Variants in CREBRF observed in about 807,000 individuals in gnomAD.
CREBRF encodes UPF0474 protein C5orf41.
Under a neutral mutation model 66.1 loss-of-function variants are expected in CREBRF, and 5 were observed. The observed-to-expected ratio is 0.08, with a 90% CI of 0.04 to 0.16. The LOEUF is 0.16. CREBRF is among the 10% of genes least tolerant of loss of function. The pLI, the probability that CREBRF is intolerant of heterozygous loss-of-function variation, is 1.00. For missense variants in CREBRF, 531 were observed against 744.9 expected, an observed-to-expected ratio of 0.71 and a Z score of 3.34; for synonymous variants, 229 against 264.4, an observed-to-expected ratio of 0.87 and a Z score of 1.30.
intron 3 of CREBRF, among the ~76,000 whole-genome samples, chr5:173,088,832 A>G (rs1344510330): frequency 6.6e-6 from 1 of 152,198 alleles, no homozygotes; most frequent in African/African-American, 2.4e-5. Flanking sequence ...TTGTCTACTT[A>G]ATATAGGTTG....
intron 4 of CREBRF, among the ~76,000 whole-genome samples, chr5:173,100,130 A>ATAT (rs1491331852): frequency 5.2e-4 from 55 of 105,076 alleles, no homozygotes; most frequent in African/African-American, 1.3e-3. Flanking sequence ...ATATATATAT[A>ATAT]ATTTTTTTTT....
chr5:173,127,959 G>C (rs1358777277), intron 8 of CREBRF, among the ~76,000 whole-genome samples: 1 of 151,844 alleles, frequency 6.6e-6, no homozygotes, highest in Non-Finnish European at 1.5e-5. Flanking sequence ...TTTTGTGTCT[G>C]TTCTCCCTTA....
At chr5:173,110,840 A>T (rs766093929) in intron 6 of CREBRF, 129 bp downstream of exon 6, 49 of 666,166 alleles carry the variant, frequency 7.4e-5, no homozygotes, top group Non-Finnish European at 9.5e-5. Context: ...TGAGAATATT[A>T]TAATTTTTCT....
intron 4 of CREBRF, among the ~76,000 whole-genome samples, chr5:173,095,249 C>T: frequency 7.1e-6 from 1 of 140,636 alleles, no homozygotes; most frequent in African/African-American, 2.7e-5. Context: ...AGTGCAGTGG[C>T]CCGATCTTGG....
chr5:173,058,185 A>C (rs1174055091), intron 1 of CREBRF, among the ~76,000 whole-genome samples: 1 of 152,186 alleles, frequency 6.6e-6, no homozygotes, highest in Non-Finnish European at 1.5e-5. Context: ...AAATGGTATG[A>C]ATAATTCGAA....
chr5:173,059,017 T>C (rs183882312), intron 1 of CREBRF, among the ~76,000 whole-genome samples: 4 of 151,758 alleles, frequency 2.6e-5, no homozygotes, highest in Admixed American at 1.3e-4. Flanking sequence ...CAGGCTGGTC[T>C]CGAACTTCTG....
chr5:173,121,945 G>A (rs1759148353), intron 7 of CREBRF, among the ~76,000 whole-genome samples: 1 of 151,984 alleles, frequency 6.6e-6, no homozygotes, highest in Admixed American at 6.6e-5. Flanking sequence ...TAGTGCAACT[G>A]CCTGCAACTC....
rs533845255 is a variant in CREBRF, at chr5:173,122,033, G to A, written c.1682-1047G>A. Among the ~76,000 whole-genome samples the A allele has an allele frequency of 8.2e-4, 125 of 152,084 alleles. 1 individual carries two copies. Among genetic ancestry groups the A allele is most frequent in the African/African-American group, 2.9e-3 (121 of 41,516 alleles). On this transcript the variant is annotated intron_variant, in intron 7 of 8. Coordinates refer to ENST00000296953, the MANE Select transcript of CREBRF (RefSeq NM_153607.3). ...GTGCACACCACCACACCTGGCTACA[G>A]TGTGTTATCAAAAGTGCATACCCAG...
chr5:173,094,541 A>G (rs1383000805), intron 4 of CREBRF, among the ~76,000 whole-genome samples: 1 of 152,132 alleles, frequency 6.6e-6, no homozygotes, highest in African/African-American at 2.4e-5. Flanking sequence ...GATTAGTGGT[A>G]TTGAGCATGT....
chr5:173,093,904 C>A (rs1375214005), intron 4 of CREBRF, among the ~76,000 whole-genome samples: 2 of 152,112 alleles, frequency 1.3e-5, no homozygotes, highest in Admixed American at 1.3e-4. Context: ...ACCTTTTGGC[C>A]AACATCTTCC....
intron 4 of CREBRF, among the ~76,000 whole-genome samples, chr5:173,103,722 G>A (rs190945116): frequency 4.6e-5 from 7 of 152,304 alleles, no homozygotes; most frequent in Admixed American, 3.9e-4. Context: ...GGCTACAACT[G>A]TTTGGGGTCA....
rs771675272 is a variant in CREBRF at position 173,090,432 on chromosome 5, A to G, written c.253A>G (p.Thr85Ala). 6.2e-7 allele frequency: 1 copy of G among 1,614,088 alleles called. No homozygotes were observed. Among genetic ancestry groups the G allele is most frequent in the Non-Finnish European group, 8.5e-7 (1 of 1,179,936 alleles). ...TDVLDNEGAL[T>A]SNWEQWDTYC... ...TGTCCTGGATAATGAGGGTGCTTTAACCTCAAACTGGGAACAGTGGGATAC... is the reference window on the plus strand; with the variant it reads ...TGTCCTGGATAATGAGGGTGCTTTAGCCTCAAACTGGGAACAGTGGGATAC... The change falls in exon 4 of 9, where the codon ACC (threonine) becomes GCC (alanine). Residue 85 changes from threonine to alanine, a missense_variant. By Grantham distance (58) the Thr-to-Ala change is moderately conservative. Coordinates refer to ENST00000296953, the MANE Select transcript of CREBRF (RefSeq NM_153607.3). The surrounding 1 kb of genome is among the most constrained non-coding windows in gnomAD (Gnocchi z 4.5).
chr5:173,073,998 A>G (rs1415588313), intron 1 of CREBRF, among the ~76,000 whole-genome samples: 1 of 151,456 alleles, frequency 6.6e-6, no homozygotes, highest in Admixed American at 6.6e-5. Context: ...TAAATAAATA[A>G]ATAAATAAAT....
At chr5:173,065,007 C>T (rs977750506) in intron 1 of CREBRF, among the ~76,000 whole-genome samples, 3 of 152,184 alleles carry the variant, frequency 2.0e-5, no homozygotes, top group African/African-American at 7.2e-5. Flanking sequence ...CTGTACCTAG[C>T]TGTACAGTTT....
chr5:173,078,619 T>C (rs191248581), intron 1 of CREBRF, among the ~76,000 whole-genome samples: 432 of 150,998 alleles, frequency 2.9e-3, no homozygotes, highest in African/African-American at 9.7e-3. Context: ...AGAGCAGTGG[T>C]GCGATCTCGG....
intron 2 of CREBRF, chr5:173,085,526 C>T: frequency 1.8e-6 from 1 of 549,288 alleles, no homozygotes; most frequent in Non-Finnish European, 3.2e-6. Context: ...AAGCGATTCT[C>T]CTACCTCAGC....
intron 2 of CREBRF, chr5:173,085,666 C>G: frequency 1.5e-6 from 1 of 667,494 alleles, no homozygotes; most frequent in Non-Finnish European, 2.7e-6. Flanking sequence ...ACCTGCCCAC[C>G]TGAGCCTCCC....
At chr5:173,072,772 A>C (rs1031448557) in intron 1 of CREBRF, among the ~76,000 whole-genome samples, 2 of 152,098 alleles carry the variant, frequency 1.3e-5, no homozygotes, top group Admixed American at 1.3e-4. Context: ...AGAGACAGGA[A>C]GACTGTAGGG....
intron 1 of CREBRF, among the ~76,000 whole-genome samples, chr5:173,077,688 C>T (rs1757806688): frequency 6.6e-6 from 1 of 152,150 alleles, no homozygotes; most frequent in African/African-American, 2.4e-5. Context: ...GCTACCACCC[C>T]CAGCCTCCAG....
Sources: gnomAD v4.1 joint callset for allele counts (sites outside exome capture counted in the v4.1 genomes callset) on GRCh38, gnomAD v4.1.1 for gene constraint, Gnocchi (gnomAD v3.1) non-coding constraint, MANE v1.5 for transcripts, NCBI Gene and HGNC (gene_info 2026-07-23, HGNC 2026-07-21) for gene names.